NOL4: variants seen among roughly 807,000 people sequenced by gnomAD.
The protein encoded by NOL4 is nucleolar protein 4.
In NOL4, 17 loss-of-function variants were observed where a neutral mutation model predicts 75.9. That is an observed-to-expected ratio of 0.22 (90% CI 0.15 to 0.34). The LOEUF (loss-of-function observed/expected upper bound fraction) is 0.34. Among genes scored for constraint, NOL4 ranks in the 10% least tolerant of loss-of-function variants. The pLI is 1.00. For missense variants in NOL4, 614 were observed against 793.5 expected (o/e 0.77, Z 2.72); for synonymous variants, 292 against 289.9 (o/e 1.01, Z -0.07).
chr18:34,095,283 G>A (rs2078723647), intron 4 of NOL4, among the ~76,000 whole-genome samples: 1 of 151,388 alleles, frequency 6.6e-6, no homozygotes, highest in African/African-American at 2.4e-5. Flanking sequence ...GTGTGTGTGT[G>A]TATGCAAAAA....
chr18:34,073,948 G>A (rs2077632535), intron 5 of NOL4, among the ~76,000 whole-genome samples: 2 of 151,880 alleles, frequency 1.3e-5, no homozygotes, highest in South Asian at 4.1e-4. Context: ...GGAGGATAGG[G>A]GAGAAAGAAT....
intron 10 of NOL4, among the ~76,000 whole-genome samples, chr18:33,874,325 A>C (rs1244513868): frequency 6.6e-6 from 1 of 151,960 alleles, no homozygotes; most frequent in Non-Finnish European, 1.5e-5. Flanking sequence ...GTATTTCAAG[A>C]ATTTATGTAT....
At chr18:34,048,117 TTC>T (rs1229487370) in intron 5 of NOL4, among the ~76,000 whole-genome samples, 2 of 152,126 alleles carry the variant, frequency 1.3e-5, no homozygotes, top group African/African-American at 4.8e-5. Context: ...TGAATATTTT[TTC>T]TCTCTCTTGA....
intron 2 of NOL4, among the ~76,000 whole-genome samples, chr18:34,121,492 T>G (rs2080138783): frequency 6.6e-6 from 1 of 152,194 alleles, no homozygotes; most frequent in Admixed American, 6.5e-5. Context: ...ACAGTTGCTG[T>G]AGCCACTCAA....
intron 5 of NOL4, among the ~76,000 whole-genome samples, chr18:34,090,251 A>T (rs1164485598): frequency 6.6e-6 from 1 of 152,184 alleles, no homozygotes; most frequent in Non-Finnish European, 1.5e-5. Flanking sequence ...TAATCATTTA[A>T]ATGATGGAGA....
At chr18:34,149,547 A>G (rs74810125) in intron 1 of NOL4, among the ~76,000 whole-genome samples, 5,182 of 151,766 alleles carry the variant, frequency 0.034, 90 homozygotes, top group Middle Eastern at 0.048. Context: ...GTGTTTTAAT[A>G]GGAAGTAAAC....
intron 10 of NOL4, among the ~76,000 whole-genome samples, chr18:33,856,634 A>G (rs1567962004): frequency 6.6e-6 from 1 of 152,202 alleles, no homozygotes; most frequent in East Asian, 1.9e-4. Flanking sequence ...TTAATTCAAC[A>G]ATTTAAATAA....
intron 1 of NOL4, among the ~76,000 whole-genome samples, chr18:34,164,043 G>A (rs2031950916): frequency 6.6e-6 from 1 of 152,154 alleles, no homozygotes; most frequent in African/African-American, 2.4e-5. Context: ...GCCATACATA[G>A]AAAGCTGAAA....
intron 6 of NOL4, among the ~76,000 whole-genome samples, chr18:34,011,674 A>T (rs539105867): frequency 6.6e-6 from 1 of 151,828 alleles, no homozygotes; most frequent in Non-Finnish European, 1.5e-5. Context: ...CCCATAAACA[A>T]ATAAACAAAA....
chr18:34,192,575 ATT>A lies in NOL4; in HGVS notation c.264+30413_264+30414del, dbSNP rs528479058. Among the ~76,000 whole-genome samples the A allele has an allele frequency of 3.0e-4, 45 of 152,312 alleles. 2 individuals carry two copies. The South Asian group carries it at 8.9e-3, about 30-fold the overall frequency. On this transcript the variant is annotated intron_variant, in intron 1 of 10. Transcript: ENST00000261592. The stretch of plus-strand genomic sequence containing the variant: ...AAATTCACACATTTAAAGCCAATTG[ATT>A]TTTAATAAAGGTGCCAAGAACTCAT...
intron 5 of NOL4, among the ~76,000 whole-genome samples, chr18:34,074,720 TTTCTC>T (rs1227066286): frequency 1.3e-5 from 2 of 152,068 alleles, no homozygotes; most frequent in Admixed American, 6.5e-5. Flanking sequence ...TTTTTGGACT[TTTCTC>T]TTCTGGTTAT....
At chr18:34,150,905 G>A (rs1568397041) in intron 1 of NOL4, among the ~76,000 whole-genome samples, 1 of 151,472 alleles carries the variant, frequency 6.6e-6, no homozygotes, top group Non-Finnish European at 1.5e-5. Flanking sequence ...TCAACAATAG[G>A]AAAACAAACA....
At chr18:33,976,970 C>T (rs184283732) in intron 6 of NOL4, among the ~76,000 whole-genome samples, 1 of 152,012 alleles carries the variant, frequency 6.6e-6, no homozygotes, top group Non-Finnish European at 1.5e-5. Flanking sequence ...TTTTGCACTA[C>T]TCTTAGGTTG....
chr18:33,887,886 G>A (rs1166282442), intron 9 of NOL4, among the ~76,000 whole-genome samples: 1 of 152,126 alleles, frequency 6.6e-6, no homozygotes, highest in Admixed American at 6.6e-5. Context: ...ACATACGTGT[G>A]CATGTGTCTT....
chr18:34,139,232 G>T (rs1568384482), intron 1 of NOL4, among the ~76,000 whole-genome samples: 1 of 152,126 alleles, frequency 6.6e-6, no homozygotes, highest in African/African-American at 2.4e-5. Flanking sequence ...CTATTGATTG[G>T]AATAGTTCCA....
chr18:34,068,656 C>G (rs1032122904), intron 5 of NOL4, among the ~76,000 whole-genome samples: 1 of 152,132 alleles, frequency 6.6e-6, no homozygotes, highest in African/African-American at 2.4e-5. Flanking sequence ...CTCGGCCTCC[C>G]AAAGTGCTGG....
intron 1 of NOL4, among the ~76,000 whole-genome samples, chr18:34,132,446 GA>G (rs1441605733): frequency 6.6e-6 from 1 of 152,164 alleles, no homozygotes; most frequent in Non-Finnish European, 1.5e-5. Flanking sequence ...ATTGTCTCAA[GA>G]AATTGGAAGT....
At chr18:34,200,562 T>C (rs952284249) in intron 1 of NOL4, among the ~76,000 whole-genome samples, 16 of 151,744 alleles carry the variant, frequency 1.1e-4, no homozygotes, top group African/African-American at 3.9e-4. Flanking sequence ...GCAAATTGGT[T>C]TTGGTCTCCT....
chr18:34,074,727 T>A (rs907225895), intron 5 of NOL4, among the ~76,000 whole-genome samples: 2 of 152,078 alleles, frequency 1.3e-5, no homozygotes, highest in African/African-American at 4.8e-5. Flanking sequence ...ACTTTTCTCT[T>A]CTGGTTATCA....
Sources: gnomAD v4.1 joint callset for allele counts (sites outside exome capture counted in the v4.1 genomes callset) on GRCh38, gnomAD v4.1.1 for gene constraint, MANE v1.5 for transcripts, NCBI Gene and HGNC (gene_info 2026-07-23, HGNC 2026-07-21) for gene names.